ART4: variants seen among roughly 807,000 people sequenced by gnomAD.
The protein encoded by ART4 is ADP-ribosyltransferase 4 (inactive) (Dombrock blood group).
In ART4, 14 loss-of-function variants were observed where a neutral mutation model predicts 24.2. That is an observed-to-expected ratio of 0.58 (90% CI 0.38 to 0.90). The LOEUF is 0.90. ART4 is among the 40% of genes least tolerant of loss of function. The pLI is 0.00. For synonymous variants in ART4, 145 were observed against 139.9 expected (o/e 1.04, Z -0.26); for missense variants, 356 against 366.6 (o/e 0.97, Z 0.24).
intron 2 of ART4, among the ~76,000 whole-genome samples, chr12:14,835,306 G>T (rs1000138037): frequency 6.6e-6 from 1 of 152,196 alleles, no homozygotes; most frequent in Non-Finnish European, 1.5e-5. Context: ...GTGGAGCAGT[G>T]AAGTGGGAAA....
At chr12:14,831,011 G>C (rs1950393135) in intron 2 of ART4, among the ~76,000 whole-genome samples, 1 of 151,618 alleles carries the variant, frequency 6.6e-6, no homozygotes, top group Non-Finnish European at 1.5e-5. Context: ...CCCTTTCCCA[G>C]TATTTAGAGA....
At chr12:14,837,766 C>T (rs953391465) in intron 2 of ART4, among the ~76,000 whole-genome samples, 9 of 152,286 alleles carry the variant, frequency 5.9e-5, no homozygotes, top group Non-Finnish European at 8.8e-5. Context: ...CCACCCACCT[C>T]GGCCTCCCAA....
intron 2 of ART4, among the ~76,000 whole-genome samples, chr12:14,833,881 C>T (rs1950412051): frequency 6.6e-6 from 1 of 152,172 alleles, no homozygotes; most frequent in Non-Finnish European, 1.5e-5. Flanking sequence ...CTAGCAAAAA[C>T]TTAGCACCCG....
At chr12:14,831,384 CCAAGTAGCTGGGTCTA>C (rs1396162701) in intron 2 of ART4, among the ~76,000 whole-genome samples, 1 of 151,724 alleles carries the variant, frequency 6.6e-6, no homozygotes, top group Non-Finnish European at 1.5e-5. Flanking sequence ...CCTCAGCCTC[CCAAGTAGCTGGGTCTA>C]CAGGTGCACA....
intron 2 of ART4, among the ~76,000 whole-genome samples, chr12:14,833,978 A>G (rs1404141729): frequency 6.6e-6 from 1 of 152,168 alleles, no homozygotes; most frequent in African/African-American, 2.4e-5. Context: ...GTGCCATTAA[A>G]CCATTATCCC....
intron 1 of ART4, among the ~76,000 whole-genome samples, chr12:14,842,574 C>T (rs900487121): frequency 5.9e-5 from 9 of 152,174 alleles, no homozygotes; most frequent in Admixed American, 2.0e-4. Flanking sequence ...ACTCTGTCAT[C>T]TCTTAACATT....
rs1242385322 is a variant in ART4, at chr12:14,840,625, G to C, written c.673C>G (p.Leu225Val). ...CCCAGGCAGGTGAATATGGTAAATA[G>C]TGTCTGGTTCCCAAACTCCTGTGCC... ...EEAQEFGNQT[L>V]FTIFTCLGAP... The change falls in exon 2 of 3, where the codon CTA becomes GTA. Residue 225 changes from leucine to valine, a missense_variant. Coordinates refer to ENST00000228936, the MANE Select transcript of ART4 (RefSeq NM_021071.4). 5.4e-5 allele frequency: 87 copies of C among 1,614,048 alleles called. No individual in the cohort carries two copies. Among genetic ancestry groups the C allele is most frequent in the Non-Finnish European group, 7.3e-5 (86 of 1,180,038 alleles).
intron 2 of ART4, among the ~76,000 whole-genome samples, chr12:14,830,274 A>G (rs963874998): frequency 1.3e-5 from 2 of 151,958 alleles, no homozygotes; most frequent in Non-Finnish European, 1.5e-5. Context: ...ATAATTGGCC[A>G]TATAATGGGG....
rs749566013 is a variant in ART4 at position 14,843,049 on chromosome 12, A to G, written c.65T>C (p.Met22Thr). The G allele has an allele frequency of 1.7e-5, 28 of 1,611,242 alleles. No individual in the cohort carries two copies. The Admixed American group carries it at 3.2e-4, about 18-fold the overall frequency. ...CAGGCCTCCAAGGAGCCAGATTCTCATCGTTGCAGGAGGTACAGTAGTTGG... is the reference window on the plus strand; with the variant it reads ...CAGGCCTCCAAGGAGCCAGATTCTCGTCGTTGCAGGAGGTACAGTAGTTGG... Reference protein sequence around the residue: ...LLPTTVPPATMRIWLLGGLLP... With the variant: ...LLPTTVPPATTRIWLLGGLLP... Residue 22 changes from methionine to threonine, a missense_variant, in exon 1 of 3, where the codon ATG becomes ACG. Physicochemically the swap from Met to Thr is moderately conservative, Grantham distance 81. Transcript: ENST00000228936.
chr12:14,841,374 A>C, intron 1 of ART4: 1 of 471,484 alleles, frequency 2.1e-6, no homozygotes, highest in South Asian at 4.8e-5. Context: ...AAGCTTGAAA[A>C]ACTCATCTCC....
At chr12:14,837,522 T>A (rs1211177305) in intron 2 of ART4, among the ~76,000 whole-genome samples, 1 of 152,142 alleles carries the variant, frequency 6.6e-6, no homozygotes, top group Non-Finnish European at 1.5e-5. Flanking sequence ...TATTTATTTA[T>A]TTTTCTTTTA....
chr12:14,840,384 A>G, intron 2 of ART4, 61 bp downstream of exon 2: 1 of 1,407,772 alleles, frequency 7.1e-7, no homozygotes, highest in Non-Finnish European at 9.6e-7. Flanking sequence ...GAGAAAAAAT[A>G]ACTTTTATAA....
At chr12:14,839,014 A>T (rs12822851) in intron 2 of ART4, among the ~76,000 whole-genome samples, 48,847 of 151,770 alleles carry the variant, frequency 0.32, 8,609 homozygotes, top group Middle Eastern at 0.39. Flanking sequence ...TCTTAAAAAA[A>T]GTTTAACTTT....
rs1003430372 is a variant in ART4 at position 14,843,190 on chromosome 12, G to A, written c.-77C>T. 37 of 1,575,242 alleles carry A rather than the reference G, an allele frequency of 2.3e-5. No individual in the cohort carries two copies. The South Asian group carries it at 3.2e-4, about 13-fold the overall frequency. On this transcript the variant is annotated 5_prime_UTR_variant, in exon 1 of 3. Coordinates refer to ENST00000228936, the MANE Select transcript of ART4 (RefSeq NM_021071.4). ...TGAATTCTCAGAGTTCTCCTTTGAG[G>A]TTTTCTTTCAGTCTCATCCGTAACC...
rs1950376936 is a variant in ART4 at position 14,829,181 on chromosome 12, T to C, written c.*190A>G. 5 of 418,542 alleles carry C rather than the reference T, an allele frequency of 1.2e-5. No individual in the cohort carries two copies. The East Asian group carries it at 1.2e-4, about 10-fold the overall frequency. The allele number at this position is 418,542 out of a possible 1,614,324, so 25.9% of individuals were successfully genotyped here. On this transcript the variant is annotated 3_prime_UTR_variant, in exon 3 of 3. Coordinates refer to ENST00000228936, the MANE Select transcript of ART4 (RefSeq NM_021071.4). ...CCCAAGAGTACTTAGGGTGCCCAGA[T>C]TGAAATAAGGCAAAGGGGTACAAGG... is the stretch of plus-strand genomic sequence containing the variant.
In ART4 at chr12:14,843,216, G is replaced by T; in HGVS notation, c.-103C>A. ...TTTTCTTTCAGTCTCATCCGTAACC[G>T]TTTTTTCCCCTGTCTATGCTGAGCA... On this transcript the variant is annotated 5_prime_UTR_variant, in exon 1 of 3. Transcript: ENST00000228936. 6.8e-7 allele frequency: 1 copy of T among 1,467,368 alleles called. No individual in the cohort carries two copies. Among genetic ancestry groups the T allele is most frequent in the Non-Finnish European group, 9.3e-7 (1 of 1,079,658 alleles). 90.9% of individuals were successfully genotyped at this position (1,467,368 alleles called of 1,614,324 possible).
intron 2 of ART4, among the ~76,000 whole-genome samples, chr12:14,838,044 G>A (rs1950442629): frequency 6.6e-6 from 1 of 152,150 alleles, no homozygotes; most frequent in Non-Finnish European, 1.5e-5. Flanking sequence ...CCCCCAGGGA[G>A]CTTATAGAGC....
Position 14,843,423 on chromosome 12 carries a change from G to T in ART4, c.-310C>A. The T allele has an allele frequency of 4.5e-6, 1 of 222,928 alleles. No individual in the cohort carries two copies. Among genetic ancestry groups the T allele is most frequent in the Non-Finnish European group, 9.1e-6 (1 of 109,648 alleles). 13.8% of individuals were successfully genotyped at this position (222,928 alleles called of 1,614,324 possible). A position where few individuals can be genotyped will look rare whatever the true frequency, so the allele number is the denominator to read the frequency against. ...ATCTCTGATCTAGTCTGTATTCAGG[G>T]GAATGCCGAAGTCCTGTTAAGTGTC... On this transcript the variant is annotated 5_prime_UTR_variant, in exon 1 of 3. Coordinates refer to ENST00000228936, the MANE Select transcript of ART4 (RefSeq NM_021071.4).
intron 1 of ART4, 80 bp downstream of exon 1, chr12:14,842,890 C>T: frequency 6.8e-7 from 1 of 1,469,230 alleles, no homozygotes. Context: ...AAGTTTTCGG[C>T]CATTTAAAGG....
Sources: gnomAD v4.1 joint callset for allele counts (sites outside exome capture counted in the v4.1 genomes callset) on GRCh38, gnomAD v4.1.1 for gene constraint, MANE v1.5 for transcripts, NCBI Gene and HGNC (gene_info 2026-07-23, HGNC 2026-07-21) for gene names.